The following VARS2 variants were observed in gnomAD, a reference collection of about 807,000 sequenced individuals.
VARS2 encodes valyl-tRNA synthetase 2, mitochondrial, also known as valine--tRNA ligase, mitochondrial.
Under a neutral mutation model 154.1 loss-of-function variants are expected in VARS2, and 105 were observed. The ratio of observed to expected loss-of-function variants is 0.68; its 90% CI spans 0.58 to 0.80. The LOEUF (loss-of-function observed/expected upper bound fraction) is 0.80. Among genes scored for constraint, VARS2 ranks in the 30% least tolerant of loss-of-function variants. The probability of loss-of-function intolerance (pLI) is 0.00; values close to 1 mark genes in which losing one functional copy is unlikely to be tolerated. For missense variants in VARS2, 1,157 were observed against 1,361.4 expected, an observed-to-expected ratio of 0.85 and a Z score of 2.36; for synonymous variants, 483 against 539.5, an observed-to-expected ratio of 0.90 and a Z score of 1.45.
In VARS2 at chr6:30,922,562, C is replaced by G; in HGVS notation, c.2037+8C>G. On this transcript the variant is annotated splice_region_variant and intron_variant, in intron 21 of 29. Transcript: ENST00000676266. ...AGTGGGGTGGAGATGCAGGTGAGGA[C>G]GAAGCACCCACTAGAGGGACAAGGT... is the stretch of plus-strand genomic sequence containing the variant. The G allele has an allele frequency of 6.4e-7, 1 of 1,557,442 alleles. No homozygotes were observed. The highest frequency in any genetic ancestry group is 1.2e-5 in the South Asian group (1 of 81,414).
At chr6:30,918,033 G>A (rs937471794) in intron 10 of VARS2, among the ~76,000 whole-genome samples, 1 of 151,870 alleles carries the variant, frequency 6.6e-6, no homozygotes, top group Non-Finnish European at 1.5e-5. Flanking sequence ...CGCTACCCAG[G>A]AAAGAGATCA....
Position 30,917,791 on chromosome 6 carries a change from G to C in VARS2, c.970G>C (p.Val324Leu). ...FGLLFSVAFP[V>L]DGEPDAEVVV... The stretch of plus-strand genomic sequence containing the variant: ...CCTCCTATTTTCTGTTGCCTTCCCC[G>C]TGGATGGAGAGCCTGGTGAGCATAG... The change falls in exon 10 of 30, where the codon GTG (valine) becomes CTG (leucine). Residue 324 changes from valine to leucine, a missense_variant. Transcript: ENST00000676266. The surrounding 1 kb of genome is among the most constrained non-coding windows in gnomAD (Gnocchi z 4.4). 1.3e-6 allele frequency: 2 copies of C among 1,557,240 alleles called. No homozygotes were observed. Among genetic ancestry groups the C allele is most frequent in the Non-Finnish European group, 1.7e-6 (2 of 1,149,908 alleles).
Position 30,923,114 on chromosome 6 carries a change from G to A in VARS2, c.2196G>A (p.Leu732=), listed in dbSNP as rs1054001838. 2 of 1,613,048 alleles carry A rather than the reference G, an allele frequency of 1.2e-6. No individual in the cohort carries two copies. The highest frequency in any genetic ancestry group is 1.1e-5 in the South Asian group (1 of 91,084). ...ATTCTTCCCTTCCAGCGGGCGACTTGCACCTGTCAGTCTCTGAGGTCCAGA... is the reference window on the plus strand; with the variant it reads ...ATTCTTCCCTTCCAGCGGGCGACTTACACCTGTCAGTCTCTGAGGTCCAGA... ...LCSHGVQAGD[L]HLSVSEVQSC... is the part of the protein sequence containing the mutation. The change falls in exon 24 of 30, where the codon TTG becomes TTA. Residue 732 remains leucine, a synonymous_variant. Coordinates refer to ENST00000676266, the MANE Select transcript of VARS2 (RefSeq NM_020442.6).
intron 21 of VARS2, 74 bp downstream of exon 21, chr6:30,922,628 G>T: frequency 6.4e-7 from 1 of 1,567,314 alleles, no homozygotes; most frequent in Non-Finnish European, 8.7e-7. Context: ...GCTGAGGGAG[G>T]AGTGAGGCCA....
chr6:30,915,139 C>T lies in VARS2; in HGVS notation c.202-17C>T, dbSNP rs55797560. ...GGGGTATACTGGATCCCAGCCTCTT[C>T]TGCTTTCTCTTCTCAGTCACCTGCA... On this transcript the variant is annotated splice_polypyrimidine_tract_variant and intron_variant, in intron 2 of 29. Transcript: ENST00000676266. 1.9e-6 allele frequency: 3 copies of T among 1,613,792 alleles called. No homozygotes were observed. In the African/African-American group the frequency reaches 4.0e-5, roughly 22 times the overall value.
At chr6:30,922,376 C>G in intron 20 of VARS2, 74 bp from the exon 21 acceptor site, 1 of 1,606,728 alleles carries the variant, frequency 6.2e-7, no homozygotes, top group Non-Finnish European at 8.5e-7. Context: ...ACCCTACCCC[C>G]AAAAGTATGG....
At chr6:30,923,637 G>A in intron 25 of VARS2, 132 bp downstream of exon 25, 1 of 1,341,810 alleles carries the variant, frequency 7.5e-7, no homozygotes. Context: ...AGGAGACGAG[G>A]GAGTCTCAGT....
chr6:30,920,106 C>T lies in VARS2; in HGVS notation c.1183C>T (p.Pro395Ser), dbSNP rs1378746858. The T allele has an allele frequency of 6.4e-7, 1 of 1,555,282 alleles. No individual in the cohort carries two copies. The highest frequency in any genetic ancestry group is 1.4e-5 in the African/African-American group (1 of 73,160). ...TCCCCAAGGGGCAGTGAAGGTGACTCCAGCTCACAGTCCTGCCGATGCTGA... is the reference window on the plus strand; with the variant it reads ...TCCCCAAGGGGCAGTGAAGGTGACTTCAGCTCACAGTCCTGCCGATGCTGA... ...HVGTGAVKVT[P>S]AHSPADAEMG... Residue 395 changes from proline to serine, a missense_variant, in exon 13 of 30, where the codon CCA becomes TCA. Coordinates refer to ENST00000676266, the MANE Select transcript of VARS2 (RefSeq NM_020442.6). This position sits in a 1 kb window ranked among gnomAD's most constrained non-coding sequence, Gnocchi z 4.6.
At position 30,918,044 on chromosome 6, in the gene VARS2, G is replaced by A. The variant is rs9262290; in HGVS notation, c.985+238G>A. On this transcript the variant is annotated intron_variant, in intron 10 of 29. Transcript: ENST00000676266. Reference sequence around the variant, plus strand: ...AGTGCGCTACCCAGGAAAGAGATCAGTTCTAAGGTATGTTTTGTTTTGTTT... The same window carrying A: ...AGTGCGCTACCCAGGAAAGAGATCAATTCTAAGGTATGTTTTGTTTTGTTT... 0.28 allele frequency among the ~76,000 whole-genome samples: 42,505 copies of A among 151,920 alleles called. 6,820 individuals are homozygous for A. Among genetic ancestry groups the A allele is most frequent in the Middle Eastern group, 0.37 (109 of 292 alleles).
Position 30,925,652 on chromosome 6 carries a change from C to T in VARS2, c.2894C>T (p.Ala965Val), listed in dbSNP as rs1374203633. Residue 965 changes from alanine (A) to valine (V), a missense_variant, in exon 28 of 30, where the codon GCA becomes GTA. By Grantham distance (64) the Ala-to-Val change is moderately conservative (BLOSUM62 0). Coordinates refer to ENST00000676266, the MANE Select transcript of VARS2 (RefSeq NM_020442.6). ...CGAVGLLPPG[A>V]AAPSGWAQAP... ...GCTGTGGGCCTGTTACCCCCAGGCG[C>T]AGCAGCTCCCTCCGGCTGGGCCCAG... 3.1e-6 allele frequency: 5 copies of T among 1,610,640 alleles called. No homozygotes were observed. The highest frequency in any genetic ancestry group is 4.2e-6 in the Non-Finnish European group (5 of 1,179,672).
chr6:30,915,224 C>T lies in VARS2; in HGVS notation c.270C>T (p.Pro90=). The part of the protein sequence containing the change: ...ELVLYEIPTK[P]GEKKDVSGPL... ...TATTGTATGAAATCCCTACGAAACC[C>T]GGTGAAAAGAAAGGTAAGTAGAATA... Residue 90 remains proline (P), a synonymous_variant, in exon 3 of 30, where the codon CCC becomes CCT. Coordinates refer to ENST00000676266, the MANE Select transcript of VARS2 (RefSeq NM_020442.6). The T allele has an allele frequency of 6.2e-7, 1 of 1,614,132 alleles. No homozygotes were observed. Among genetic ancestry groups the T allele is most frequent in the African/African-American group, 1.3e-5 (1 of 75,030 alleles).
chr6:30,922,130 T>C lies in VARS2; in HGVS notation c.1821T>C (p.Ala607=). The C allele has an allele frequency of 6.2e-7, 1 of 1,612,658 alleles. No homozygotes were observed. The change falls in exon 20 of 30, where the codon GCT becomes GCC. Residue 607 remains alanine, a synonymous_variant. Coordinates refer to ENST00000676266, the MANE Select transcript of VARS2 (RefSeq NM_020442.6). ...CTTCCCCCTAGACCCCAGACCTTGC[T>C]CGTTTCTACCCCCTGTCACTTTTGG... ...LGWPQETPDL[A]RFYPLSLLET...
At chr6:30,914,694 G>T in intron 1 of VARS2, 116 bp from the exon 2 acceptor site, 1 of 1,176,346 alleles carries the variant, frequency 8.5e-7, no homozygotes. Context: ...TTTGTGGAAG[G>T]GAATAGAGAC....
Position 30,921,626 on chromosome 6 carries a change from C to G in VARS2, c.1670C>G (p.Ala557Gly), listed in dbSNP as rs55822421. The change falls in exon 18 of 30, where the codon GCT (alanine) becomes GGT (glycine). Residue 557 changes from alanine to glycine, a missense_variant. Transcript: ENST00000676266. The surrounding 1 kb of genome is among the most constrained non-coding windows in gnomAD (Gnocchi z 4.6). ...TGTTGGGTGGTTGGGCGGTCAGAGG[C>G]TGAGGCCAGAGAGGTAGCAGCGGAA... ...EDCWVVGRSEAEAREVAAELT... is the reference protein window; with the variant it reads ...EDCWVVGRSEGEAREVAAELT... 12 of 1,609,106 alleles carry G rather than the reference C, an allele frequency of 7.5e-6. No individual in the cohort carries two copies. Among genetic ancestry groups the G allele is most frequent in the Admixed American group, 1.7e-5 (1 of 59,404 alleles).
chr6:30,923,288 T>C, intron 24 of VARS2, 57 bp downstream of exon 24: 2 of 1,607,838 alleles, frequency 1.2e-6, no homozygotes, highest in South Asian at 2.2e-5. Flanking sequence ...AGGGCCAAGG[T>C]GGCATCTGGA....
In VARS2 at chr6:30,919,637, C is replaced by T; in HGVS notation, c.1075-121C>T. The T allele has an allele frequency of 1.4e-6, 1 of 722,646 alleles. No homozygotes were observed. The highest frequency in any genetic ancestry group is 2.9e-5 in the East Asian group (1 of 35,022). The allele number at this position is 722,646 out of a possible 1,614,324, so 44.8% of individuals were successfully genotyped here. On this transcript the variant is annotated intron_variant, in intron 11 of 29. Transcript: ENST00000676266. This position sits in a 1 kb window ranked among gnomAD's most constrained non-coding sequence, Gnocchi z 4.5. ...TTCTGGCCCCTTAAGAGTTTGCTGA[C>T]CTTGCTCTAGCTTGCTACCTTCCAC...
rs760026305 is a variant in VARS2, at chr6:30,920,655, G to A, written c.1398-13G>A. 1 of 1,559,312 alleles carries A rather than the reference G, an allele frequency of 6.4e-7. No homozygotes were observed. The highest frequency in any genetic ancestry group is 1.2e-5 in the South Asian group (1 of 83,234). ...GCCGGAAGAGCAGTGGACTCACCCT[G>A]TCTCTCTTTCAGCCGTTCTGGGGAT... On this transcript the variant is annotated splice_polypyrimidine_tract_variant and intron_variant, in intron 14 of 29. Coordinates refer to ENST00000676266, the MANE Select transcript of VARS2 (RefSeq NM_020442.6). The surrounding 1 kb of genome is among the most constrained non-coding windows in gnomAD (Gnocchi z 4.6).
chr6:30,925,775 A>T, intron 28 of VARS2, 56 bp downstream of exon 28: 1 of 1,610,434 alleles, frequency 6.2e-7, no homozygotes, highest in Non-Finnish European at 8.5e-7. Flanking sequence ...GCTGGGAGGA[A>T]GGGAGGGGCT....
At position 30,925,596 on chromosome 6, in the gene VARS2, G is replaced by A. The variant is rs771691719; in HGVS notation, c.2838G>A (p.Leu946=). Residue 946 remains leucine, a synonymous_variant, in exon 28 of 30, where the codon TTG becomes TTA. Transcript: ENST00000676266. ...ACCAGGGCCTCTTCGAGGCCTTCTTGGAGCCCCTGGGCACCCTGGGCTACT... is the reference window on the plus strand; with the variant it reads ...ACCAGGGCCTCTTCGAGGCCTTCTTAGAGCCCCTGGGCACCCTGGGCTACT... ...PGDQGLFEAF[L]EPLGTLGYCG... 3.7e-6 allele frequency: 6 copies of A among 1,610,332 alleles called. No homozygotes were observed. In the East Asian group the frequency reaches 1.1e-4, roughly 30 times the overall value.
Sources: allele counts gnomAD v4.1 joint callset (sites outside exome capture counted in the v4.1 genomes callset), GRCh38; gene constraint gnomAD v4.1.1; non-coding constraint Gnocchi (gnomAD v3.1); transcripts MANE v1.5; gene names NCBI Gene and HGNC (gene_info 2026-07-23, HGNC 2026-07-21).